Variants in CNKSR3 observed in about 807,000 individuals in gnomAD.
CNKSR3 encodes CNKSR family member 3.
Under a neutral mutation model 67.7 loss-of-function variants are expected in CNKSR3, and 36 were observed. The ratio of observed to expected loss-of-function variants is 0.53; its 90% CI spans 0.41 to 0.70. The LOEUF (loss-of-function observed/expected upper bound fraction) is 0.70, where lower values mean the gene tolerates loss of function less well. Among genes scored for constraint, CNKSR3 ranks in the 30% least tolerant of loss-of-function variants. CNKSR3 has a pLI of 0.00. For missense variants in CNKSR3, 630 were observed against 695.2 expected (o/e 0.91, Z 1.05); for synonymous variants, 281 against 271.4 (o/e 1.04, Z -0.35).
chr6:154,423,698 C>T (rs1302823383), intron 7 of CNKSR3, among the ~76,000 whole-genome samples: 1 of 152,236 alleles, frequency 6.6e-6, no homozygotes, highest in Admixed American at 6.5e-5. Flanking sequence ...AGTCTGTCAT[C>T]TCGTTTCCTT....
chr6:154,406,952 C>G (rs1784806817), intron 12 of CNKSR3, among the ~76,000 whole-genome samples: 1 of 100,244 alleles, frequency 1.0e-5, no homozygotes, highest in Admixed American at 9.4e-5. Flanking sequence ...ACTCTGTCCC[C>G]TCCAGGAAAA....
chr6:154,463,314 C>A (rs1432904267), intron 1 of CNKSR3, among the ~76,000 whole-genome samples: 1 of 151,942 alleles, frequency 6.6e-6, no homozygotes, highest in Non-Finnish European at 1.5e-5. Flanking sequence ...ACCTTGTGAT[C>A]GGCCCGCCTC....
rs1784707439 is a variant in CNKSR3 at position 154,400,736 on chromosome 6, G to A, written c.*5618C>T. On this transcript the variant is annotated 3_prime_UTR_variant, in exon 13 of 13. Transcript: ENST00000607772. The stretch of plus-strand genomic sequence containing the variant: ...AAGGCCCTCTAGCAGGTCTGAACAT[G>A]ATGTAATCACTTTTTCCTTTACTTA... 6.6e-6 allele frequency: 1 copy of A among 152,188 alleles called. No individual in the cohort carries two copies. Among genetic ancestry groups the A allele is most frequent in the Non-Finnish European group, 1.5e-5 (1 of 68,036 alleles). The allele number at this position is 152,188 out of a possible 1,614,324, so 9.4% of individuals were successfully genotyped here.
rs1045676575 is a variant in CNKSR3 at position 154,410,347 on chromosome 6, C to T, written c.1365G>A (p.Arg455=). 6.2e-7 allele frequency: 1 copy of T among 1,612,698 alleles called. No homozygotes were observed. Among genetic ancestry groups the T allele is most frequent in the African/African-American group, 1.3e-5 (1 of 74,886 alleles). ...DPFARPRGHG[R]KGEDALCRYF... ...GTTTGCTTGGATGAAACGTACCTTTCCTGCCATGACCTCGAGGTCTGGCAA... is the reference window on the plus strand; with the variant it reads ...GTTTGCTTGGATGAAACGTACCTTTTCTGCCATGACCTCGAGGTCTGGCAA... Residue 455 remains arginine (R), a synonymous_variant, in exon 12 of 13, where the codon AGG becomes AGA. Coordinates refer to ENST00000607772, the MANE Select transcript of CNKSR3 (RefSeq NM_173515.4).
intron 1 of CNKSR3, among the ~76,000 whole-genome samples, chr6:154,459,055 A>AAAAG (rs1304282734): frequency 1.3e-5 from 2 of 152,104 alleles, no homozygotes; most frequent in East Asian, 3.9e-4. Flanking sequence ...AAAAGAAAGA[A>AAAAG]AAAGAAAGAA....
At chr6:154,414,500 C>T in intron 9 of CNKSR3, 77 bp from the exon 10 acceptor site, 1 of 1,465,248 alleles carries the variant, frequency 6.8e-7, no homozygotes, top group Admixed American at 1.9e-5. Context: ...TTTCCCCTCC[C>T]CCAAACCAAC....
chr6:154,470,187 C>CTTTT (rs1562347543), intron 1 of CNKSR3, among the ~76,000 whole-genome samples: 6 of 80,874 alleles, frequency 7.4e-5, no homozygotes, highest in African/African-American at 1.7e-4. Context: ...TACTTTCTTT[C>CTTTT]CTTTTTTTTT....
chr6:154,409,823 C>T (rs563800448), intron 12 of CNKSR3, among the ~76,000 whole-genome samples: 10 of 150,450 alleles, frequency 6.6e-5, no homozygotes, highest in South Asian at 6.3e-4. Flanking sequence ...GCAGGAAGAC[C>T]ACTTACAGCT....
intron 9 of CNKSR3, 43 bp downstream of exon 9, chr6:154,422,463 A>G: frequency 6.3e-7 from 1 of 1,583,088 alleles, no homozygotes; most frequent in East Asian, 2.2e-5. Flanking sequence ...CTAATGAGAT[A>G]CTCAACATTG....
In CNKSR3 at chr6:154,410,337, A is replaced by G. The variant is rs557511874; in HGVS notation, c.1369+6T>C. 2 of 1,610,856 alleles carry G rather than the reference A, an allele frequency of 1.2e-6. No homozygotes were observed. The highest frequency in any genetic ancestry group is 2.2e-5 in the South Asian group (2 of 90,984). On this transcript the variant is annotated splice_donor_region_variant and intron_variant, in intron 12 of 12. Transcript: ENST00000607772. ...CTGTTCCTTGGTTTGCTTGGATGAA[A>G]CGTACCTTTCCTGCCATGACCTCGA...
Position 154,510,643 on chromosome 6 carries a change from G to C in CNKSR3, c.-529C>G, listed in dbSNP as rs1787199119. ...GCAGGGCCGAGCGCAGAGCGTGCGC[G>C]CTCGGGTTGCAAAGTTTCAGCTCCG... On this transcript the variant is annotated 5_prime_UTR_variant, in exon 1 of 13. Transcript: ENST00000607772. The C allele has an allele frequency of 6.5e-6, 1 of 154,796 alleles. No individual in the cohort carries two copies. 9.6% of individuals were successfully genotyped at this position (154,796 alleles called of 1,614,324 possible).
At chr6:154,409,881 CAA>C (rs56081008) in intron 12 of CNKSR3, among the ~76,000 whole-genome samples, 10 of 126,572 alleles carry the variant, frequency 7.9e-5, no homozygotes, top group African/African-American at 8.9e-5. Context: ...CTGTCTCTAC[CAA>C]AAAAAAAAAA....
At chr6:154,430,694 G>T in intron 5 of CNKSR3, 103 bp from the exon 6 acceptor site, 2 of 1,128,838 alleles carry the variant, frequency 1.8e-6, no homozygotes, top group South Asian at 1.5e-5. Context: ...TGTTAGTTCT[G>T]GTTGGCAATC....
intron 1 of CNKSR3, among the ~76,000 whole-genome samples, chr6:154,499,116 C>G (rs1440525640): frequency 6.6e-6 from 1 of 152,084 alleles, no homozygotes; most frequent in Non-Finnish European, 1.5e-5. Flanking sequence ...GCTAAGAGCC[C>G]GAGGGGATAC....
At chr6:154,473,365 A>G (rs1446731655) in intron 1 of CNKSR3, among the ~76,000 whole-genome samples, 1 of 152,232 alleles carries the variant, frequency 6.6e-6, no homozygotes, top group Non-Finnish European at 1.5e-5. Flanking sequence ...TGTGTTCATC[A>G]TACAAGCTCC....
rs535105675 is a variant in CNKSR3 at position 154,401,834 on chromosome 6, C to T, written c.*4520G>A. ...GGCAAAAGGCAGCATGAGTCTCATG[C>T]TTTGCTGGTGACATTCAAATGTCAG... On this transcript the variant is annotated 3_prime_UTR_variant, in exon 13 of 13. Coordinates refer to ENST00000607772, the MANE Select transcript of CNKSR3 (RefSeq NM_173515.4). 1.7e-4 allele frequency: 26 copies of T among 152,310 alleles called. No individual in the cohort carries two copies. The highest frequency in any genetic ancestry group is 1.6e-3 in the Admixed American group (25 of 15,302). The allele number at this position is 152,310 out of a possible 1,614,324, so 9.4% of individuals were successfully genotyped here.
At chr6:154,407,872 G>GAAAAAAA (rs56406534) in intron 12 of CNKSR3, among the ~76,000 whole-genome samples, 8 of 68,660 alleles carry the variant, frequency 1.2e-4, no homozygotes, top group Non-Finnish European at 1.5e-4. Flanking sequence ...TTTAGAATTT[G>GAAAAAAA]AAAAAAAAAA....
intron 4 of CNKSR3, among the ~76,000 whole-genome samples, chr6:154,435,145 A>G (rs1572658): frequency 0.52 from 78,252 of 151,672 alleles, 20,615 homozygotes; most frequent in Non-Finnish European, 0.55. Context: ...ACAGGTGCAC[A>G]CCACCACACC....
intron 1 of CNKSR3, among the ~76,000 whole-genome samples, chr6:154,505,868 G>A (rs1787092614): frequency 6.6e-6 from 1 of 152,144 alleles, no homozygotes. Context: ...CAGTTCTGCT[G>A]GGACAACCAG....
Sources: gnomAD v4.1 joint callset for allele counts (sites outside exome capture counted in the v4.1 genomes callset) on GRCh38, gnomAD v4.1.1 for gene constraint, MANE v1.5 for transcripts, NCBI Gene and HGNC (gene_info 2026-07-23, HGNC 2026-07-21) for gene names.